BCAM: variants seen among roughly 807,000 people sequenced by gnomAD.
The protein encoded by BCAM is basal cell adhesion molecule (Lutheran blood group).
BCAM carries 61 observed loss-of-function variants against 72.4 expected under a neutral mutation model. That is an observed-to-expected ratio of 0.84 (90% CI 0.69 to 1.04). The LOEUF (loss-of-function observed/expected upper bound fraction) is 1.04, where lower values mean the gene tolerates loss of function less well. Among genes scored for constraint, BCAM ranks in the 50% least tolerant of loss-of-function variants. The pLI, the probability that BCAM is intolerant of heterozygous loss-of-function variation, is 0.00. For synonymous variants in BCAM, 408 were observed against 384.2 expected (o/e 1.06, Z -0.73); for missense variants, 909 against 895.0 (o/e 1.02, Z -0.20).
rs1444633687 is a variant in BCAM, at chr19:44,818,187, AG to A, written c.1079-333del. ...GGGGGTAACAGGGAGGTTACCCCAC[AG>A]GTTGGGGTTTGAGCAAAAGGTTTGT... On this transcript the variant is annotated intron_variant, in intron 8 of 14. Transcript: ENST00000270233. The surrounding 1 kb of genome is among the most constrained non-coding windows in gnomAD (Gnocchi z 4.6). Among the ~76,000 whole-genome samples, 1 of 152,186 alleles carries A rather than the reference AG, an allele frequency of 6.6e-6. No homozygotes were observed. The highest frequency in any genetic ancestry group is 2.4e-5 in the African/African-American group (1 of 41,440).
In BCAM at chr19:44,821,218, G is replaced by A. The variant is rs954084423; in HGVS notation, c.*297G>A. On this transcript the variant is annotated 3_prime_UTR_variant, in exon 15 of 15. Transcript: ENST00000270233. The stretch of plus-strand genomic sequence containing the variant: ...AAGGCCCAGCCTGGGACAAGGCTCC[G>A]AGGGTCGGCTGGCCGGAGCTATTTT... The A allele has an allele frequency of 1.4e-4, 52 of 380,706 alleles. 1 individual carries two copies. The highest frequency in any genetic ancestry group is 1.3e-3 in the Admixed American group (28 of 21,664). The allele number at this position is 380,706 out of a possible 1,614,324, so 23.6% of individuals were successfully genotyped here. A position where few individuals can be genotyped will look rare whatever the true frequency, so the allele number is the denominator to read the frequency against.
At position 44,820,744 on chromosome 19, in the gene BCAM, G is replaced by T. The variant is rs768180761; in HGVS notation, c.1803G>T (p.Glu601Asp). ...GEPGLSHSGS[E>D]QPEQTGLLMG... ...CAGGGCTGAGCCACTCGGGGTCGGA[G>T]CAACCAGAGCAGACCGGCCTTCTCA... is the stretch of plus-strand genomic sequence containing the variant. The change falls in exon 14 of 15, where the codon GAG becomes GAT. Residue 601 changes from glutamate to aspartate, a missense_variant. Physicochemically the swap from Glu to Asp is conservative, Grantham distance 45. Transcript: ENST00000270233. 6.8e-7 allele frequency: 1 copy of T among 1,461,996 alleles called. No homozygotes were observed. Among genetic ancestry groups the T allele is most frequent in the Non-Finnish European group, 9.1e-7 (1 of 1,099,904 alleles). The allele number at this position is 1,461,996 out of a possible 1,614,324, so 90.6% of individuals were successfully genotyped here. A position where few individuals can be genotyped will look rare whatever the true frequency, so the allele number is the denominator to read the frequency against.
At chr19:44,811,431 A>T (rs1362797112) in intron 2 of BCAM, 85 bp downstream of exon 2, 1 of 1,583,566 alleles carries the variant, frequency 6.3e-7, no homozygotes, top group Non-Finnish European at 8.6e-7. Context: ...TAAGGCCTGT[A>T]GAGATCCACC....
rs1028802523 is a variant in BCAM, at chr19:44,814,816, C to T, written c.1078+56C>T. ...AGGGGCCCTGGCATCAGTGCCTCTG[C>T]GCCCTCCTCCCTACAGCCCTGAAGT... is the stretch of plus-strand genomic sequence containing the variant. On this transcript the variant is annotated intron_variant, in intron 8 of 14. Coordinates refer to ENST00000270233, the MANE Select transcript of BCAM (RefSeq NM_005581.5). This position sits in a 1 kb window ranked among gnomAD's most constrained non-coding sequence, Gnocchi z 4.6. 3.0e-5 allele frequency: 46 copies of T among 1,544,984 alleles called. No individual in the cohort carries two copies. Among genetic ancestry groups the T allele is most frequent in the South Asian group, 9.7e-5 (8 of 82,130 alleles).
chr19:44,817,927 G>C (rs1968524006), intron 8 of BCAM, among the ~76,000 whole-genome samples: 1 of 152,182 alleles, frequency 6.6e-6, no homozygotes, highest in Non-Finnish European at 1.5e-5. Context: ...TGAAGAGGTG[G>C]TTGGGACAGT....
In BCAM at chr19:44,814,375, C is replaced by G; in HGVS notation, c.921+87C>G. 1.3e-6 allele frequency: 2 copies of G among 1,508,532 alleles called. No homozygotes were observed. The highest frequency in any genetic ancestry group is 1.3e-5 in the South Asian group (1 of 77,384). The allele number at this position is 1,508,532 out of a possible 1,614,324, so 93.4% of individuals were successfully genotyped here. On this transcript the variant is annotated intron_variant, in intron 7 of 14. Coordinates refer to ENST00000270233, the MANE Select transcript of BCAM (RefSeq NM_005581.5). The surrounding 1 kb of genome is among the most constrained non-coding windows in gnomAD (Gnocchi z 4.6). ...AACCTGCATAACTTCTAATGTGGGACCTGGGAGTCCCCATGGCTTAGGCAG... is the reference window on the plus strand; with the variant it reads ...AACCTGCATAACTTCTAATGTGGGAGCTGGGAGTCCCCATGGCTTAGGCAG...
intron 2 of BCAM, 185 bp downstream of exon 2, chr19:44,811,531 C>A: frequency 2.1e-6 from 2 of 950,776 alleles, no homozygotes; most frequent in Non-Finnish European, 3.1e-6. Flanking sequence ...ACAGCCAAGT[C>A]TAGAATGACA....
In BCAM at chr19:44,814,357, A is replaced by G; in HGVS notation, c.921+69A>G. The G allele has an allele frequency of 5.2e-6, 8 of 1,530,356 alleles. No individual in the cohort carries two copies. Among genetic ancestry groups the G allele is most frequent in the Non-Finnish European group, 5.2e-6 (6 of 1,146,928 alleles). The allele number at this position is 1,530,356 out of a possible 1,614,324, so 94.8% of individuals were successfully genotyped here. A position where few individuals can be genotyped will look rare whatever the true frequency, so the allele number is the denominator to read the frequency against. On this transcript the variant is annotated intron_variant, in intron 7 of 14. Coordinates refer to ENST00000270233, the MANE Select transcript of BCAM (RefSeq NM_005581.5). This position sits in a 1 kb window ranked among gnomAD's most constrained non-coding sequence, Gnocchi z 4.6. ...TGACCTCTGTGACCTGCTAACCTGCATAACTTCTAATGTGGGACCTGGGAG... is the reference window on the plus strand; with the variant it reads ...TGACCTCTGTGACCTGCTAACCTGCGTAACTTCTAATGTGGGACCTGGGAG...
Position 44,813,679 on chromosome 19 carries a change from C to A in BCAM, c.784+59C>A, listed in dbSNP as rs904770227. The stretch of plus-strand genomic sequence containing the variant: ...AGGCTCCACACCTCATGAGGCCTGA[C>A]CCTCCACCCGGGGGCTTCACACTCC... On this transcript the variant is annotated intron_variant, in intron 6 of 14. Coordinates refer to ENST00000270233, the MANE Select transcript of BCAM (RefSeq NM_005581.5). This position sits in a 1 kb window ranked among gnomAD's most constrained non-coding sequence, Gnocchi z 4.2. 6 of 1,562,956 alleles carry A rather than the reference C, an allele frequency of 3.8e-6. No homozygotes were observed. The Admixed American group carries it at 8.9e-5, about 23-fold the overall frequency.
rs1238378305 is a variant in BCAM, at chr19:44,812,277, C to T, written c.319C>T (p.Gln107Ter). 1 of 1,611,226 alleles carries T rather than the reference C, an allele frequency of 6.2e-7. No individual in the cohort carries two copies. Among genetic ancestry groups the T allele is most frequent in the South Asian group, 1.1e-5 (1 of 90,972 alleles). The change falls in exon 3 of 15, where the codon CAG (glutamine) becomes TAG (stop). Residue 107 changes from glutamine to a stop codon, truncating the protein, a stop_gained. Coordinates refer to ENST00000270233, the MANE Select transcript of BCAM (RefSeq NM_005581.5). LOFTEE classifies it high-confidence loss of function. The surrounding 1 kb of genome is among the most constrained non-coding windows in gnomAD (Gnocchi z 5.3). The part of the protein sequence containing the change: ...GRSPPYQLDS[Q>*]GRLVLAEAQV... ...CAGTCCCCCATACCAGCTGGACTCC[C>T]AGGGGCGCCTGGTGCTGGCTGAGGC...
Position 44,813,691 on chromosome 19 carries a change from G to A in BCAM, c.784+71G>A. The A allele has an allele frequency of 1.9e-6, 3 of 1,542,666 alleles. No individual in the cohort carries two copies. Among genetic ancestry groups the A allele is most frequent in the Non-Finnish European group, 2.6e-6 (3 of 1,140,948 alleles). ...TCATGAGGCCTGACCCTCCACCCGG[G>A]GGCTTCACACTCCCCTCTGACCCTC... On this transcript the variant is annotated intron_variant, in intron 6 of 14. Coordinates refer to ENST00000270233, the MANE Select transcript of BCAM (RefSeq NM_005581.5). This position sits in a 1 kb window ranked among gnomAD's most constrained non-coding sequence, Gnocchi z 4.2.
rs1290682305 is a variant in BCAM, at chr19:44,818,090, T to A, written c.1079-432T>A. Among the ~76,000 whole-genome samples, 3 of 152,172 alleles carry A rather than the reference T, an allele frequency of 2.0e-5. No homozygotes were observed. The highest frequency in any genetic ancestry group is 4.4e-5 in the Non-Finnish European group (3 of 68,026). On this transcript the variant is annotated intron_variant, in intron 8 of 14. Coordinates refer to ENST00000270233, the MANE Select transcript of BCAM (RefSeq NM_005581.5). The surrounding 1 kb of genome is among the most constrained non-coding windows in gnomAD (Gnocchi z 4.6). The stretch of plus-strand genomic sequence containing the variant: ...GGAGGATCACTTGAGGCCAGGAGTT[T>A]GAGACCCAGCCTGGCCAACATAGCA...
chr19:44,821,134 G>A lies in BCAM; in HGVS notation c.*213G>A. 1.7e-6 allele frequency: 1 copy of A among 579,072 alleles called. No homozygotes were observed. Among genetic ancestry groups the A allele is most frequent in the South Asian group, 2.9e-5 (1 of 34,562 alleles). The allele number at this position is 579,072 out of a possible 1,614,324, so 35.9% of individuals were successfully genotyped here. ...AGGGAGGGTGGGTGGGTGGGAGGGG[G>A]CCTTCCTCCAGGGAATGTGACTCTC... On this transcript the variant is annotated 3_prime_UTR_variant, in exon 15 of 15. Coordinates refer to ENST00000270233, the MANE Select transcript of BCAM (RefSeq NM_005581.5).
rs544677603 is a variant in BCAM, at chr19:44,817,212, G to A, written c.1079-1310G>A. 1.1e-4 allele frequency among the ~76,000 whole-genome samples: 17 copies of A among 152,268 alleles called. No homozygotes were observed. The South Asian group carries it at 3.5e-3, about 32-fold the overall frequency. ...AGATCCCGCCACTGCACTCTAGCCTGGGCGACAGAGCCAAACTCTCTCAAA... is the reference window on the plus strand; with the variant it reads ...AGATCCCGCCACTGCACTCTAGCCTAGGCGACAGAGCCAAACTCTCTCAAA... On this transcript the variant is annotated intron_variant, in intron 8 of 14. Coordinates refer to ENST00000270233, the MANE Select transcript of BCAM (RefSeq NM_005581.5).
intron 1 of BCAM, among the ~76,000 whole-genome samples, chr19:44,810,095 C>T (rs932483275): frequency 6.6e-6 from 1 of 152,120 alleles, no homozygotes; most frequent in Non-Finnish European, 1.5e-5. Flanking sequence ...AGGGGTAGGG[C>T]TGGGCCAGAT....
At position 44,814,682 on chromosome 19, in the gene BCAM, A is replaced by G; in HGVS notation, c.1000A>G (p.Thr334Ala). Residue 334 changes from threonine to alanine, a missense_variant, in exon 8 of 15, where the codon ACC becomes GCC. Coordinates refer to ENST00000270233, the MANE Select transcript of BCAM (RefSeq NM_005581.5). This position sits in a 1 kb window ranked among gnomAD's most constrained non-coding sequence, Gnocchi z 4.6. ...GGGAGTGACCCGGGGCCAGAGCGGGACCTATGGCTGCAGAGTGGAGGATTA... is the reference window on the plus strand; with the variant it reads ...GGGAGTGACCCGGGGCCAGAGCGGGGCCTATGGCTGCAGAGTGGAGGATTA... ...LEGVTRGQSG[T>A]YGCRVEDYDA... The G allele has an allele frequency of 6.2e-7, 1 of 1,614,006 alleles. No individual in the cohort carries two copies. The highest frequency in any genetic ancestry group is 8.5e-7 in the Non-Finnish European group (1 of 1,180,004).
chr19:44,814,818 C>T lies in BCAM; in HGVS notation c.1078+58C>T. 6.5e-7 allele frequency: 1 copy of T among 1,542,454 alleles called. No homozygotes were observed. The highest frequency in any genetic ancestry group is 8.7e-7 in the Non-Finnish European group (1 of 1,144,402). On this transcript the variant is annotated intron_variant, in intron 8 of 14. Coordinates refer to ENST00000270233, the MANE Select transcript of BCAM (RefSeq NM_005581.5). This position sits in a 1 kb window ranked among gnomAD's most constrained non-coding sequence, Gnocchi z 4.6. ...GGGCCCTGGCATCAGTGCCTCTGCG[C>T]CCTCCTCCCTACAGCCCTGAAGTTG...
chr19:44,820,106 C>A, intron 13 of BCAM: 2 of 1,093,210 alleles, frequency 1.8e-6, no homozygotes, highest in Middle Eastern at 4.1e-4. Context: ...CAACTCCAAT[C>A]CATAACCCCC....
In BCAM at chr19:44,812,134, G is replaced by A. The variant is rs186970107; in HGVS notation, c.205-29G>A. On this transcript the variant is annotated intron_variant, in intron 2 of 14. Coordinates refer to ENST00000270233, the MANE Select transcript of BCAM (RefSeq NM_005581.5). The surrounding 1 kb of genome is among the most constrained non-coding windows in gnomAD (Gnocchi z 5.3). ...GAGACTGAGGAGCGCTGGGACACCC[G>A]GAGCTGAGAGCCTGCCCCGCGCCCA... 1.1e-4 allele frequency: 175 copies of A among 1,567,680 alleles called. No individual in the cohort carries two copies. The highest frequency in any genetic ancestry group is 6.5e-4 in the Admixed American group (35 of 53,472).
Sources: allele counts gnomAD v4.1 joint callset (sites outside exome capture counted in the v4.1 genomes callset), GRCh38; gene constraint gnomAD v4.1.1; non-coding constraint Gnocchi (gnomAD v3.1); transcripts MANE v1.5; gene names NCBI Gene and HGNC (gene_info 2026-07-23, HGNC 2026-07-21).